The following PRSS54 variants were observed in gnomAD, a reference collection of about 807,000 sequenced individuals.
The protein encoded by PRSS54 is serine protease 54.
In PRSS54, 16 loss-of-function variants were observed where a neutral mutation model predicts 19.9. The ratio of observed to expected loss-of-function variants is 0.80; its 90% CI spans 0.54 to 1.22. PRSS54 has a LOEUF of 1.22. Among genes scored for constraint, PRSS54 ranks in the 50% most tolerant of loss-of-function variants. PRSS54 has a pLI of 0.00. For synonymous variants in PRSS54, 177 were observed against 195.8 expected, an observed-to-expected ratio of 0.90 and a Z score of 0.80; for missense variants, 444 against 494.8, an observed-to-expected ratio of 0.90 and a Z score of 0.97.
intron 3 of PRSS54, among the ~76,000 whole-genome samples, chr16:58,292,011 C>T (rs1965049805): frequency 2.0e-5 from 3 of 152,176 alleles, no homozygotes; most frequent in Non-Finnish European, 4.4e-5. Flanking sequence ...TCACTGCAAC[C>T]TCTGCCTCCT....
chr16:58,284,359 C>T, intron 6 of PRSS54: 2 of 467,702 alleles, frequency 4.3e-6, no homozygotes, highest in Non-Finnish European at 7.8e-6. Flanking sequence ...GCACCTGTGA[C>T]TTAGACAAGC....
At chr16:58,284,108 C>T (rs763459014) in intron 6 of PRSS54, among the ~76,000 whole-genome samples, 5 of 134,492 alleles carry the variant, frequency 3.7e-5, no homozygotes, top group Non-Finnish European at 6.3e-5. Context: ...GGGCCTGAAC[C>T]AGGTGTGTGT....
intron 6 of PRSS54, 56 bp downstream of exon 6, chr16:58,284,533 CT>C: frequency 1.2e-6 from 2 of 1,607,066 alleles, no homozygotes; most frequent in East Asian, 4.5e-5. Flanking sequence ...TGAGGCTCCC[CT>C]GGATGTGACC....
intron 3 of PRSS54, 30 bp from the exon 4 acceptor site, chr16:58,291,166 G>A: frequency 6.2e-7 from 1 of 1,605,716 alleles, no homozygotes; most frequent in South Asian, 1.1e-5. Context: ...CCTCACTGCC[G>A]GGGCAAGGAG....
In PRSS54 at chr16:58,284,618, G is replaced by C; in HGVS notation, c.626C>G (p.Thr209Arg). Residue 209 changes from threonine (T) to arginine (R), a missense_variant, in exon 6 of 7, where the codon ACG (threonine) becomes AGG (arginine). Thr to Arg is a moderately conservative substitution (Grantham distance 71). Transcript: ENST00000567164. ...KLQKTECGSH[T>R]KEETKTACLG... Reference sequence around the variant, plus strand: ...GCAGGCAGTCTTGGTTTCCTCTTTCGTGTGGCTGCCGCATTCTGTCTTCTG... The same window carrying C: ...GCAGGCAGTCTTGGTTTCCTCTTTCCTGTGGCTGCCGCATTCTGTCTTCTG... 1 of 1,613,948 alleles carries C rather than the reference G, an allele frequency of 6.2e-7. No individual in the cohort carries two copies. Among genetic ancestry groups the C allele is most frequent in the Non-Finnish European group, 8.5e-7 (1 of 1,179,966 alleles).
chr16:58,287,315 C>T (rs1052982321), intron 4 of PRSS54, among the ~76,000 whole-genome samples: 1 of 152,082 alleles, frequency 6.6e-6, no homozygotes, highest in East Asian at 1.9e-4. Context: ...AATTGGGGTG[C>T]GTTTAATAAA....
chr16:58,286,293 A>G lies in PRSS54; in HGVS notation c.264-98T>C, dbSNP rs1436426770. ...TAAGTTTTTTCAGCCTGGAACACTC[A>G]TCCAGCTCATATTTCCTGTGTTAAT... On this transcript the variant is annotated intron_variant, in intron 4 of 6. Coordinates refer to ENST00000567164, the MANE Select transcript of PRSS54 (RefSeq NM_001305173.2). 6.3e-6 allele frequency: 8 copies of G among 1,260,334 alleles called. No individual in the cohort carries two copies. The Admixed American group carries it at 9.1e-5, about 14-fold the overall frequency. 78.1% of individuals were successfully genotyped at this position (1,260,334 alleles called of 1,614,324 possible).
At chr16:58,293,412 T>C (rs1217992362) in intron 3 of PRSS54, among the ~76,000 whole-genome samples, 1 of 152,194 alleles carries the variant, frequency 6.6e-6, no homozygotes, top group East Asian at 1.9e-4. Context: ...AAAAGAGCAG[T>C]ATTCTCCTGG....
At position 58,294,091 on chromosome 16, in the gene PRSS54, C is replaced by T. The variant is rs944699682; in HGVS notation, c.-113G>A. ...AGAAGAGAGGGCAGCTTACTCTTGTCAGTTTTCTTCTCAATCCAGCCCAAG... is the reference window on the plus strand; with the variant it reads ...AGAAGAGAGGGCAGCTTACTCTTGTTAGTTTTCTTCTCAATCCAGCCCAAG... On this transcript the variant is annotated 5_prime_UTR_variant, in exon 2 of 7. Transcript: ENST00000567164. 2 of 447,090 alleles carry T rather than the reference C, an allele frequency of 4.5e-6. No homozygotes were observed. The highest frequency in any genetic ancestry group is 8.2e-6 in the Non-Finnish European group (2 of 244,380). The allele number at this position is 447,090 out of a possible 1,614,324, so 27.7% of individuals were successfully genotyped here. A position where few individuals can be genotyped will look rare whatever the true frequency, so the allele number is the denominator to read the frequency against.
chr16:58,280,693 A>T lies in PRSS54; in HGVS notation c.719T>A (p.Val240Asp), dbSNP rs763152778. 135 of 1,613,732 alleles carry T rather than the reference A, an allele frequency of 8.4e-5. No individual in the cohort carries two copies. The highest frequency in any genetic ancestry group is 1.1e-4 in the Non-Finnish European group (131 of 1,179,964). ...GCACGTCTCACCACCGAAGTTCAGG[A>T]CTCCTCTCAGAACCCACAGATCGAA... is the stretch of plus-strand genomic sequence containing the variant. ...QQFDLWVLRGVLNFGGETCPG... is the reference protein window; with the variant it reads ...QQFDLWVLRGDLNFGGETCPG... The change falls in exon 7 of 7, where the codon GTC (valine) becomes GAC (aspartate). Residue 240 changes from valine to aspartate, a missense_variant. Transcript: ENST00000567164.
At chr16:58,293,887 T>G in intron 2 of PRSS54, 65 bp from the exon 3 acceptor site, 1 of 1,334,128 alleles carries the variant, frequency 7.5e-7, no homozygotes, top group Non-Finnish European at 1.1e-6. Flanking sequence ...TCTATGCCTC[T>G]TTTTTCCATC....
chr16:58,291,101 G>T lies in PRSS54; in HGVS notation c.121C>A (p.Pro41Thr), dbSNP rs905101452. The T allele has an allele frequency of 1.9e-6, 3 of 1,614,038 alleles. No individual in the cohort carries two copies. The African/African-American group carries it at 4.0e-5, about 22-fold the overall frequency. ...CTGACCAAGCCCTCCTTGGGGTCAG[G>T]ACCGTAGAAAACGGAAGCTTTCTGG... ...GVQKASVFYG[P>T]DPKEGLVSSM... The change falls in exon 4 of 7, where the codon CCT becomes ACT. Residue 41 changes from proline (P) to threonine (T), a missense_variant. Pro to Thr is a conservative substitution (Grantham distance 38). Coordinates refer to ENST00000567164, the MANE Select transcript of PRSS54 (RefSeq NM_001305173.2).
intron 4 of PRSS54, among the ~76,000 whole-genome samples, chr16:58,288,357 C>T (rs781701947): frequency 1.6e-4 from 24 of 152,188 alleles, no homozygotes; most frequent in African/African-American, 3.6e-4. Flanking sequence ...ATCCAGGAGA[C>T]GGAGATTGCA....
At chr16:58,287,235 A>G (rs972165274) in intron 4 of PRSS54, among the ~76,000 whole-genome samples, 1 of 152,356 alleles carries the variant, frequency 6.6e-6, no homozygotes. Flanking sequence ...TATAGTTTGG[A>G]GTAGTTAACA....
Position 58,280,082 on chromosome 16 carries a change from G to A in PRSS54, c.*142C>T. On this transcript the variant is annotated 3_prime_UTR_variant, in exon 7 of 7. Transcript: ENST00000567164. ...ACCTGGGAGAGGGATAGAGGAGGGAGAGCCAGCCCAGTGTATGCCATGGGC... is the reference window on the plus strand; with the variant it reads ...ACCTGGGAGAGGGATAGAGGAGGGAAAGCCAGCCCAGTGTATGCCATGGGC... 1 of 806,398 alleles carries A rather than the reference G, an allele frequency of 1.2e-6. No homozygotes were observed. The highest frequency in any genetic ancestry group is 2.0e-6 in the Non-Finnish European group (1 of 509,046). The allele number at this position is 806,398 out of a possible 1,614,324, so 50.0% of individuals were successfully genotyped here. A position where few individuals can be genotyped will look rare whatever the true frequency, so the allele number is the denominator to read the frequency against.
In PRSS54 at chr16:58,284,748, G is replaced by A. The variant is rs372948708; in HGVS notation, c.523-27C>T. 1.8e-5 allele frequency: 29 copies of A among 1,612,550 alleles called. No homozygotes were observed. In the East Asian group the frequency reaches 4.7e-4, roughly 26 times the overall value. On this transcript the variant is annotated intron_variant, in intron 5 of 6. Coordinates refer to ENST00000567164, the MANE Select transcript of PRSS54 (RefSeq NM_001305173.2). ...TGGACCATGCAACAGAGAGCCCAGG[G>A]ATTATTAACGAGAAGGCAGTCCCCT...
intron 2 of PRSS54, 68 bp downstream of exon 2, chr16:58,293,917 T>G: frequency 9.8e-7 from 1 of 1,024,318 alleles, no homozygotes; most frequent in Non-Finnish European, 1.5e-6. Context: ...AACACACATG[T>G]TCCCTCCCAA....
At chr16:58,284,852 T>G (rs1370782044) in intron 5 of PRSS54, 131 bp from the exon 6 acceptor site, 48 of 965,624 alleles carry the variant, frequency 5.0e-5, no homozygotes, top group Non-Finnish European at 5.9e-5. Context: ...TCTTGTTCTG[T>G]CACGCAGGCT....
chr16:58,290,411 A>T (rs1965012916), intron 4 of PRSS54, among the ~76,000 whole-genome samples: 1 of 152,162 alleles, frequency 6.6e-6, no homozygotes, highest in African/African-American at 2.4e-5. Context: ...AATATTTATG[A>T]TTTTCCCTGG....
Sources: gnomAD v4.1 joint callset for allele counts (sites outside exome capture counted in the v4.1 genomes callset) on GRCh38, gnomAD v4.1.1 for gene constraint, MANE v1.5 for transcripts, NCBI Gene and HGNC (gene_info 2026-07-23, HGNC 2026-07-21) for gene names.